C19orf47: variants seen among roughly 807,000 people sequenced by gnomAD.
C19orf47 encodes the protein uncharacterized protein C19orf47.
C19orf47 carries 18 observed loss-of-function variants against 32.3 expected under a neutral mutation model. The ratio of observed to expected loss-of-function variants is 0.56; its 90% CI spans 0.39 to 0.83. C19orf47 has a LOEUF of 0.83. Among genes scored for constraint, C19orf47 ranks in the 40% least tolerant of loss-of-function variants. The pLI is 0.00. For synonymous variants in C19orf47, 202 were observed against 211.1 expected, an observed-to-expected ratio of 0.96 and a Z score of 0.37; for missense variants, 484 against 531.6, an observed-to-expected ratio of 0.91 and a Z score of 0.88.
the C19orf47 span, among the ~76,000 whole-genome samples, chr19:40,306,041 C>T: frequency 1.3e-5 from 2 of 150,062 alleles, no homozygotes; most frequent in East Asian, 3.9e-4. Flanking sequence ...ATCCCAGCTA[C>T]TGGGGAAGCT....
At chr19:40,344,888 G>A (rs1240160600) in intron 1 of C19orf47, among the ~76,000 whole-genome samples, 1 of 152,184 alleles carries the variant, frequency 6.6e-6, no homozygotes, top group Non-Finnish European at 1.5e-5. Context: ...GCAGGTCCAA[G>A]ATCACACAGC....
At chr19:40,334,481 C>T (rs896583777) in intron 4 of C19orf47, among the ~76,000 whole-genome samples, 1 of 151,012 alleles carries the variant, frequency 6.6e-6, no homozygotes, top group African/African-American at 2.4e-5. Context: ...GGTACGGTGG[C>T]TCACACCTGT....
At chr19:40,330,379 T>C (rs937847911) in intron 5 of C19orf47, among the ~76,000 whole-genome samples, 4 of 151,478 alleles carry the variant, frequency 2.6e-5, no homozygotes, top group Non-Finnish European at 5.9e-5. Flanking sequence ...CAGGCGCCCA[T>C]CACCATGCCC....
chr19:40,316,138 G>A (rs1218325823), downstream of C19orf47, among the ~76,000 whole-genome samples: 2 of 152,216 alleles, frequency 1.3e-5, no homozygotes, highest in Non-Finnish European at 2.9e-5. Flanking sequence ...CAGGTCAGAT[G>A]CCCAAAGGAG....
the C19orf47 span, among the ~76,000 whole-genome samples, chr19:40,296,700 G>T: frequency 6.6e-6 from 1 of 151,986 alleles, no homozygotes; most frequent in Non-Finnish European, 1.5e-5. Context: ...AATCACCTGA[G>T]GTCAGGAGTT....
chr19:40,313,259 A>T, the C19orf47 span, among the ~76,000 whole-genome samples: 1 of 152,194 alleles, frequency 6.6e-6, no homozygotes, highest in Non-Finnish European at 1.5e-5. Context: ...TAAGGACTGG[A>T]ATTTTGTACT....
At chr19:40,312,453 G>A in the C19orf47 span, among the ~76,000 whole-genome samples, 14 of 152,144 alleles carry the variant, frequency 9.2e-5, no homozygotes, top group Admixed American at 2.0e-4. Flanking sequence ...GCTGAGGCAG[G>A]AGAATGGCGT....
chr19:40,303,484 C>G, the C19orf47 span, among the ~76,000 whole-genome samples: 3 of 147,108 alleles, frequency 2.0e-5, no homozygotes, highest in Non-Finnish European at 3.0e-5. Flanking sequence ...GATCATACCA[C>G]TGACTCCAGC....
rs73557773 is a variant in C19orf47 at position 40,341,702 on chromosome 19, T to G, written c.19+137A>C. ...GCCTCAAGCAGTTCCAGCCCCACCCTGCCACGGTCCTCAGAGTACAGCTGT... is the reference window on the plus strand; with the variant it reads ...GCCTCAAGCAGTTCCAGCCCCACCCGGCCACGGTCCTCAGAGTACAGCTGT... On this transcript the variant is annotated intron_variant, in intron 2 of 8. Transcript: ENST00000683109. The G allele has an allele frequency of 7.2e-5, 93 of 1,297,284 alleles. 1 individual carries two copies. In the African/African-American group the frequency reaches 1.3e-3, roughly 18 times the overall value. The allele number at this position is 1,297,284 out of a possible 1,614,324, so 80.4% of individuals were successfully genotyped here. A position where few individuals can be genotyped will look rare whatever the true frequency, so the allele number is the denominator to read the frequency against.
chr19:40,316,315 A>T (rs922459320), downstream of C19orf47, among the ~76,000 whole-genome samples: 3 of 152,148 alleles, frequency 2.0e-5, no homozygotes, highest in African/African-American at 7.2e-5. Flanking sequence ...AGAGGAAGGG[A>T]TGTGTCCAGA....
chr19:40,294,382 G>A, the C19orf47 span, among the ~76,000 whole-genome samples: 7 of 152,178 alleles, frequency 4.6e-5, 1 homozygote, highest in South Asian at 1.5e-3. Flanking sequence ...GAAAATGTGT[G>A]CGAACTAGTT....
downstream of C19orf47, chr19:40,319,468 G>A (rs1274824612): frequency 6.5e-6 from 1 of 153,070 alleles, no homozygotes; most frequent in Middle Eastern, 3.4e-3. Context: ...TCTCTAAACA[G>A]GGAAAGGGCC....
chr19:40,313,371 C>A, the C19orf47 span, among the ~76,000 whole-genome samples: 1 of 152,162 alleles, frequency 6.6e-6, no homozygotes, highest in Non-Finnish European at 1.5e-5. Flanking sequence ...GTTGCCCAGG[C>A]TAGAGTGCAG....
At chr19:40,323,457 G>A (rs1000193656) in intron 8 of C19orf47, among the ~76,000 whole-genome samples, 12 of 152,328 alleles carry the variant, frequency 7.9e-5, no homozygotes, top group East Asian at 1.9e-4. Context: ...GTGGGACTGC[G>A]GGCCGCGGCA....
chr19:40,311,152 G>A, the C19orf47 span, among the ~76,000 whole-genome samples: 19 of 152,142 alleles, frequency 1.2e-4, no homozygotes, highest in South Asian at 2.1e-4. Flanking sequence ...CGAGGCGGGC[G>A]GATCACCTGA....
At chr19:40,309,140 T>C in the C19orf47 span, among the ~76,000 whole-genome samples, 312 of 152,010 alleles carry the variant, frequency 2.1e-3, 1 homozygote, top group African/African-American at 7.3e-3. Context: ...CCTCCAGTGA[T>C]AATGGCTAGT....
chr19:40,328,492 G>A lies in C19orf47; in HGVS notation c.360C>T (p.Pro120=), dbSNP rs759024663. The A allele has an allele frequency of 3.7e-6, 6 of 1,610,268 alleles. 1 individual carries two copies. In the South Asian group the frequency reaches 5.5e-5, roughly 15 times the overall value. ...LNHDSPPSTP[P]RRPDTSTSKI... ...TGGAGGTGCTGGTGTCCGGGCGCCTGGGGGGTGTGCTGGGTGGAGAGTCAT... is the reference window on the plus strand; with the variant it reads ...TGGAGGTGCTGGTGTCCGGGCGCCTAGGGGGTGTGCTGGGTGGAGAGTCAT... The change falls in exon 6 of 9, where the codon CCC becomes CCT. Residue 120 remains proline (P), a synonymous_variant. Coordinates refer to ENST00000683109, the MANE Select transcript of C19orf47 (RefSeq NM_001256441.2).
chr19:40,347,853 A>G (rs1321644099), intron 1 of C19orf47, among the ~76,000 whole-genome samples: 1 of 152,020 alleles, frequency 6.6e-6, no homozygotes, highest in African/African-American at 2.4e-5. Flanking sequence ...ATCTTTACAC[A>G]CACAGATTTC....
chr19:40,338,567 T>C (rs894580413), intron 2 of C19orf47, among the ~76,000 whole-genome samples: 1 of 152,052 alleles, frequency 6.6e-6, no homozygotes, highest in Non-Finnish European at 1.5e-5. Flanking sequence ...GTATTTTTAG[T>C]AGAGACGGGG....
Sources: gnomAD v4.1 joint callset for allele counts (sites outside exome capture counted in the v4.1 genomes callset) on GRCh38, gnomAD v4.1.1 for gene constraint, MANE v1.5 for transcripts, NCBI Gene and HGNC (gene_info 2026-07-23, HGNC 2026-07-21) for gene names.